The following INPP4A variants were observed in gnomAD, a reference collection of about 807,000 sequenced individuals.
INPP4A encodes the protein inositol polyphosphate-4-phosphatase, type I, 107kD.
A neutral mutation model predicts 119.8 loss-of-function variants in INPP4A; 33 were observed. The observed-to-expected ratio is 0.28, with a 90% CI of 0.21 to 0.37. The LOEUF is 0.37. Among genes scored for constraint, INPP4A ranks in the 10% least tolerant of loss-of-function variants. The pLI is 1.00. For missense variants in INPP4A, 956 were observed against 1,289.9 expected (o/e 0.74, Z 3.97); for synonymous variants, 496 against 500.7 (o/e 0.99, Z 0.12).
Position 98,555,603 on chromosome 2 carries a change from T to G in INPP4A, c.1617T>G (p.Arg539=). The G allele has an allele frequency of 6.2e-7, 1 of 1,613,818 alleles. No individual in the cohort carries two copies. Among genetic ancestry groups the G allele is most frequent in the Non-Finnish European group, 8.5e-7 (1 of 1,179,788 alleles). Residue 539 remains arginine, a synonymous_variant, in exon 16 of 25, where the codon CGT becomes CGG. Coordinates refer to ENST00000409851, the MANE Select transcript of INPP4A (RefSeq NM_001134225.2). The part of the protein sequence containing the change: ...VDKSLECIIQ[R]VDKLLQKERL... ...AGAGCCTAGAGTGCATCATTCAGCGTGTGGACAAGCTGCTGCAGAAGGAGC... is the reference window on the plus strand; with the variant it reads ...AGAGCCTAGAGTGCATCATTCAGCGGGTGGACAAGCTGCTGCAGAAGGAGC...
At chr2:98,457,850 A>G (rs533684843) in intron 1 of INPP4A, among the ~76,000 whole-genome samples, 4 of 152,056 alleles carry the variant, frequency 2.6e-5, no homozygotes, top group Admixed American at 1.3e-4. Flanking sequence ...TGCCCAGGCT[A>G]TAGTGTAGTA....
In INPP4A at chr2:98,564,645, C is replaced by T. The variant is rs111489045; in HGVS notation, c.2034C>T (p.Thr678=). 9.8e-4 allele frequency: 1,583 copies of T among 1,613,222 alleles called. 13 individuals carry two copies. In the African/African-American group the frequency reaches 0.017, roughly 18 times the overall value. ...RRDVVFCQTL[T]ALICGFIIKL... Reference sequence around the variant, plus strand: ...TTCACCCCACGCTCCCACAGCTGACCGCCCTCATCTGCGGCTTCATCATTA... The same window carrying T: ...TTCACCCCACGCTCCCACAGCTGACTGCCCTCATCTGCGGCTTCATCATTA... The change falls in exon 19 of 25, where the codon ACC becomes ACT. Residue 678 remains threonine, a synonymous_variant. Transcript: ENST00000409851.
intron 4 of INPP4A, among the ~76,000 whole-genome samples, chr2:98,531,971 A>G (rs557158563): frequency 2.0e-5 from 3 of 152,360 alleles, no homozygotes; most frequent in South Asian, 4.1e-4. Flanking sequence ...ACAAATGTGT[A>G]TGCTAACAAA....
At chr2:98,581,711 C>T (rs1175792866) in intron 24 of INPP4A, 1 of 1,613,088 alleles carries the variant, frequency 6.2e-7, no homozygotes, top group Non-Finnish European at 8.5e-7. Flanking sequence ...TTGTGTGGCT[C>T]TTTCTGAGCA....
intron 11 of INPP4A, among the ~76,000 whole-genome samples, 166 bp downstream of exon 11, chr2:98,544,173 C>T (rs945269320): frequency 3.9e-5 from 6 of 152,282 alleles, no homozygotes; most frequent in Non-Finnish European, 7.4e-5. Context: ...TTAAAAATAA[C>T]TTCTTATGTA....
At chr2:98,449,808 T>C (rs918328464) in intron 1 of INPP4A, among the ~76,000 whole-genome samples, 4 of 152,262 alleles carry the variant, frequency 2.6e-5, no homozygotes, top group African/African-American at 9.6e-5. Context: ...AAACTGTCTG[T>C]TTCCCTTTAA....
chr2:98,546,187 C>G lies in INPP4A; in HGVS notation c.1054+114C>G. Reference sequence around the variant, plus strand: ...ATTTCCCTGTGTGCTCTGGGCGGCTCGGAGGAGAGATTTGTCACAAGGACC... The same window carrying G: ...ATTTCCCTGTGTGCTCTGGGCGGCTGGGAGGAGAGATTTGTCACAAGGACC... On this transcript the variant is annotated intron_variant, in intron 12 of 24. Transcript: ENST00000409851. The surrounding 1 kb of genome is among the most constrained non-coding windows in gnomAD (Gnocchi z 4.2). 1 of 703,050 alleles carries G rather than the reference C, an allele frequency of 1.4e-6. No individual in the cohort carries two copies. Among genetic ancestry groups the G allele is most frequent in the Middle Eastern group, 2.4e-4 (1 of 4,102 alleles). 43.6% of individuals were successfully genotyped at this position (703,050 alleles called of 1,614,324 possible). A position where few individuals can be genotyped will look rare whatever the true frequency, so the allele number is the denominator to read the frequency against.
rs985351321 is a variant in INPP4A at position 98,570,938 on chromosome 2, C to T, written c.2519-1877C>T. Among the ~76,000 whole-genome samples, 5 of 152,018 alleles carry T rather than the reference C, an allele frequency of 3.3e-5. No individual in the cohort carries two copies. The highest frequency in any genetic ancestry group is 7.4e-5 in the Non-Finnish European group (5 of 67,972). Reference sequence around the variant, plus strand: ...CTGGAAAAATACAGATGCCTGGGCCCCACCCCAGAGTGTGGTGGGCAGGAC... The same window carrying T: ...CTGGAAAAATACAGATGCCTGGGCCTCACCCCAGAGTGTGGTGGGCAGGAC... On this transcript the variant is annotated intron_variant, in intron 22 of 24. Transcript: ENST00000409851. The surrounding 1 kb of genome is among the most constrained non-coding windows in gnomAD (Gnocchi z 4.3).
chr2:98,470,542 A>C (rs1675786697), intron 1 of INPP4A, among the ~76,000 whole-genome samples: 1 of 152,236 alleles, frequency 6.6e-6, no homozygotes, highest in Non-Finnish European at 1.5e-5. Flanking sequence ...AGGAAGGGGA[A>C]GCATGATACC....
At chr2:98,496,348 A>G (rs1681937862) in intron 1 of INPP4A, among the ~76,000 whole-genome samples, 1 of 152,318 alleles carries the variant, frequency 6.6e-6, no homozygotes, top group East Asian at 1.9e-4. Flanking sequence ...TTAGACCCTT[A>G]TTTCTTACCA....
chr2:98,577,797 A>G (rs1161673548), intron 24 of INPP4A, among the ~76,000 whole-genome samples: 1 of 152,232 alleles, frequency 6.6e-6, no homozygotes, highest in African/African-American at 2.4e-5. Flanking sequence ...CCTTGTTTCA[A>G]GCACTGCTGG....
At chr2:98,567,381 A>G (rs968107716) in intron 21 of INPP4A, among the ~76,000 whole-genome samples, 5 of 152,196 alleles carry the variant, frequency 3.3e-5, no homozygotes, top group African/African-American at 9.7e-5. Context: ...TCGTGTCCAG[A>G]GGCAGGTGGT....
chr2:98,578,142 GC>G (rs1296477507), intron 24 of INPP4A, among the ~76,000 whole-genome samples: 1 of 152,102 alleles, frequency 6.6e-6, no homozygotes, highest in African/African-American at 2.4e-5. Context: ...CCATCCCTCT[GC>G]CCAGGCTCAG....
At chr2:98,476,157 A>G (rs1016148010) in intron 1 of INPP4A, among the ~76,000 whole-genome samples, 9 of 152,248 alleles carry the variant, frequency 5.9e-5, no homozygotes, top group Admixed American at 2.0e-4. Context: ...AGGATAATGA[A>G]GATTCACATT....
chr2:98,589,599 G>C lies in INPP4A; in HGVS notation c.*1991G>C, dbSNP rs1700245203. The C allele has an allele frequency of 5.6e-6, 1 of 179,090 alleles. No individual in the cohort carries two copies. Among genetic ancestry groups the C allele is most frequent in the Non-Finnish European group, 1.2e-5 (1 of 83,542 alleles). 11.1% of individuals were successfully genotyped at this position (179,090 alleles called of 1,614,324 possible). ...CTATGTAATGGGTCACCATAAAACT[G>C]TAAGACTTGGCAAATGCTATAGAAA... On this transcript the variant is annotated 3_prime_UTR_variant, in exon 25 of 25. Coordinates refer to ENST00000409851, the MANE Select transcript of INPP4A (RefSeq NM_001134225.2).
intron 3 of INPP4A, 54 bp downstream of exon 3, chr2:98,520,208 G>T: frequency 7.7e-7 from 1 of 1,292,440 alleles, no homozygotes; most frequent in Non-Finnish European, 1.1e-6. Context: ...CAGCACCTGG[G>T]CTCCACACTG....
chr2:98,545,847 A>G, intron 11 of INPP4A, 122 bp from the exon 12 acceptor site: 1 of 662,752 alleles, frequency 1.5e-6, no homozygotes, highest in Non-Finnish European at 2.5e-6. Context: ...AGAATCTTCT[A>G]GGCCACTGCC....
chr2:98,506,789 A>G (rs1436024704), intron 1 of INPP4A, among the ~76,000 whole-genome samples: 1 of 152,184 alleles, frequency 6.6e-6, no homozygotes. Context: ...GGTCCTGGGC[A>G]CATTTGGACT....
At chr2:98,468,283 T>C (rs1287695090) in intron 1 of INPP4A, among the ~76,000 whole-genome samples, 1 of 152,244 alleles carries the variant, frequency 6.6e-6, no homozygotes, top group Non-Finnish European at 1.5e-5. Context: ...TTGTCTAGTC[T>C]GGAGTACAGC....
Sources: gnomAD v4.1 joint callset for allele counts (sites outside exome capture counted in the v4.1 genomes callset) on GRCh38, gnomAD v4.1.1 for gene constraint, Gnocchi (gnomAD v3.1) non-coding constraint, MANE v1.5 for transcripts, NCBI Gene and HGNC (gene_info 2026-07-23, HGNC 2026-07-21) for gene names.